Variants in SORCS3 observed in about 807,000 individuals in gnomAD.
The protein encoded by SORCS3 is sortilin related VPS10 domain containing receptor 3, also known as VPS10 domain-containing receptor SorCS3.
In SORCS3, 57 loss-of-function variants were observed where a neutral mutation model predicts 146.3. That is an observed-to-expected ratio of 0.39 (90% CI 0.31 to 0.49). The LOEUF is 0.49. Among genes scored for constraint, SORCS3 ranks in the 20% least tolerant of loss-of-function variants. SORCS3 has a pLI of 0.92. For synonymous variants in SORCS3, 653 were observed against 618.5 expected (o/e 1.06, Z -0.83); for missense variants, 1,341 against 1,575.5 (o/e 0.85, Z 2.52).
At chr10:105,196,513 G>A (rs550446423) in intron 14 of SORCS3, among the ~76,000 whole-genome samples, 1 of 152,214 alleles carries the variant, frequency 6.6e-6, no homozygotes, top group African/African-American at 2.4e-5. Context: ...GCTGAGGCAG[G>A]AGAATTGCTC....
chr10:104,974,790 T>C (rs1253870566), intron 3 of SORCS3, among the ~76,000 whole-genome samples: 1 of 152,192 alleles, frequency 6.6e-6, no homozygotes, highest in East Asian at 1.9e-4. Context: ...CTTCCTAGCC[T>C]TGATGATCTT....
At chr10:104,671,408 C>T (rs570684858) in intron 1 of SORCS3, among the ~76,000 whole-genome samples, 11 of 127,974 alleles carry the variant, frequency 8.6e-5, no homozygotes, top group South Asian at 2.7e-4. Context: ...AATCTCAGCT[C>T]ATTGCAACCT....
intron 1 of SORCS3, among the ~76,000 whole-genome samples, chr10:104,742,000 T>G (rs1314143775): frequency 1.3e-5 from 2 of 151,986 alleles, no homozygotes; most frequent in Non-Finnish European, 2.9e-5. Flanking sequence ...TTGGTATCAG[T>G]GTTTTTTTAA....
chr10:105,023,092 GA>G (rs2055207519), intron 4 of SORCS3, among the ~76,000 whole-genome samples: 1 of 152,130 alleles, frequency 6.6e-6, no homozygotes, highest in South Asian at 2.1e-4. Flanking sequence ...TCTGATAGGA[GA>G]ATGTGGCTAT....
chr10:104,897,863 G>A (rs1370525078), intron 2 of SORCS3, among the ~76,000 whole-genome samples: 1 of 152,200 alleles, frequency 6.6e-6, no homozygotes, highest in African/African-American at 2.4e-5. Context: ...ATGCTTGCCA[G>A]CCAGCCTTTG....
At chr10:104,993,616 T>C (rs1022033700) in intron 4 of SORCS3, among the ~76,000 whole-genome samples, 3 of 152,154 alleles carry the variant, frequency 2.0e-5, no homozygotes, top group African/African-American at 7.2e-5. Context: ...AAATTCACTC[T>C]CCCTTGAGTC....
Position 105,157,109 on chromosome 10 carries a change from G to C in SORCS3, c.1483-29G>C, listed in dbSNP as rs369299286. 7.9e-5 allele frequency: 127 copies of C among 1,612,004 alleles called. 1 individual carries two copies. Among genetic ancestry groups the C allele is most frequent in the African/African-American group, 3.6e-4 (27 of 74,868 alleles). On this transcript the variant is annotated intron_variant, in intron 9 of 26. Transcript: ENST00000369701. ...GACCAAAGGCATGTTGGCCCAGCAT[G>C]GTTCTCCATCTCTCACCTTTTTTCC...
At chr10:104,672,374 G>A (rs2015865382) in intron 1 of SORCS3, among the ~76,000 whole-genome samples, 1 of 151,760 alleles carries the variant, frequency 6.6e-6, no homozygotes, top group Non-Finnish European at 1.5e-5. Context: ...TCTTAGTCTA[G>A]TGAGGTAAAT....
intron 14 of SORCS3, among the ~76,000 whole-genome samples, chr10:105,192,591 T>C (rs1461039208): frequency 6.6e-6 from 1 of 152,106 alleles, no homozygotes; most frequent in African/African-American, 2.4e-5. Context: ...AAGAAGGACG[T>C]CCCAGTTGTG....
intron 5 of SORCS3, among the ~76,000 whole-genome samples, chr10:105,049,156 C>T (rs1414215282): frequency 6.6e-6 from 1 of 152,038 alleles, no homozygotes; most frequent in Non-Finnish European, 1.5e-5. Context: ...GACCCCAATT[C>T]AACACTAAAA....
chr10:105,014,499 T>A (rs2055153995), intron 4 of SORCS3, among the ~76,000 whole-genome samples: 1 of 152,170 alleles, frequency 6.6e-6, no homozygotes, highest in African/African-American at 2.4e-5. Context: ...AGATAAGCCA[T>A]AAGCTTGGAA....
At chr10:104,931,492 T>C (rs1252520922) in intron 3 of SORCS3, among the ~76,000 whole-genome samples, 2 of 152,144 alleles carry the variant, frequency 1.3e-5, no homozygotes, top group Non-Finnish European at 2.9e-5. Flanking sequence ...ATAAGACCTT[T>C]AAGGCTAAGT....
At chr10:104,781,589 C>T (rs1472209295) in intron 1 of SORCS3, among the ~76,000 whole-genome samples, 1 of 152,182 alleles carries the variant, frequency 6.6e-6, no homozygotes, top group Non-Finnish European at 1.5e-5. Context: ...TGTGTACACA[C>T]ACACACTTTT....
chr10:104,945,508 C>T (rs1423839856), intron 3 of SORCS3, among the ~76,000 whole-genome samples: 1 of 151,520 alleles, frequency 6.6e-6, no homozygotes, highest in African/African-American at 2.4e-5. Context: ...ATCCACCTGC[C>T]TCAGCCTCCC....
intron 4 of SORCS3, among the ~76,000 whole-genome samples, chr10:104,984,403 G>A (rs2054950088): frequency 6.6e-6 from 1 of 152,088 alleles, no homozygotes; most frequent in Non-Finnish European, 1.5e-5. Context: ...TTTTGAAATA[G>A]TATTGATGGG....
At chr10:104,642,226 G>T (rs2015430418) in intron 1 of SORCS3, among the ~76,000 whole-genome samples, 2 of 152,182 alleles carry the variant, frequency 1.3e-5, no homozygotes, top group Admixed American at 1.3e-4. Flanking sequence ...ATGAGTGGGG[G>T]AGGGATCTGT....
chr10:105,091,201 T>A (rs1274705337), intron 6 of SORCS3, among the ~76,000 whole-genome samples: 2 of 78,790 alleles, frequency 2.5e-5, no homozygotes, highest in African/African-American at 8.9e-5. Flanking sequence ...CCTTCCTTCC[T>A]TCCCTCCTTC....
chr10:104,689,783 G>T (rs1223598102), intron 1 of SORCS3, among the ~76,000 whole-genome samples: 1 of 152,050 alleles, frequency 6.6e-6, no homozygotes, highest in African/African-American at 2.4e-5. Flanking sequence ...CTGATGGGCT[G>T]GACAGTGAGG....
chr10:104,874,200 C>T (rs1279230540), intron 2 of SORCS3, among the ~76,000 whole-genome samples: 11 of 148,146 alleles, frequency 7.4e-5, no homozygotes, highest in Non-Finnish European at 1.6e-4. Flanking sequence ...GTCATGCTGA[C>T]ATATTTTGAC....
Sources: allele counts gnomAD v4.1 joint callset (sites outside exome capture counted in the v4.1 genomes callset), GRCh38; gene constraint gnomAD v4.1.1; transcripts MANE v1.5; gene names NCBI Gene and HGNC (gene_info 2026-07-23, HGNC 2026-07-21).